DLG2: variants seen among roughly 807,000 people sequenced by gnomAD.
DLG2 encodes the protein disks large homolog 2.
In DLG2, 45 loss-of-function variants were observed where a neutral mutation model predicts 132.5. The ratio of observed to expected loss-of-function variants is 0.34; its 90% CI spans 0.27 to 0.44. The LOEUF (loss-of-function observed/expected upper bound fraction) is 0.44, where lower values mean the gene tolerates loss of function less well. Among genes scored for constraint, DLG2 ranks in the 20% least tolerant of loss-of-function variants. The probability of loss-of-function intolerance (pLI) is 1.00; values close to 1 mark genes in which losing one functional copy is unlikely to be tolerated. For missense variants in DLG2, 1,045 were observed against 1,196.9 expected, an observed-to-expected ratio of 0.87 and a Z score of 1.87; for synonymous variants, 424 against 419.6, an observed-to-expected ratio of 1.01 and a Z score of -0.13.
Position 83,688,996 on chromosome 11 carries a change from G to A in DLG2, c.1826-55671C>T, listed in dbSNP as rs188505900. Among the ~76,000 whole-genome samples the A allele has an allele frequency of 2.6e-5, 4 of 152,298 alleles. No individual in the cohort carries two copies. In the East Asian group the frequency reaches 7.7e-4, roughly 29 times the overall value. ...CAGGCACTACATTATTACGTTGAAT[G>A]CCAGAAGAACGATGTAATCAAGGTC... On this transcript the variant is annotated intron_variant, in intron 18 of 27. Coordinates refer to ENST00000376104, the MANE Select transcript of DLG2 (RefSeq NM_001142699.3).
At chr11:85,471,597 G>A (rs116972366) in intron 3 of DLG2, among the ~76,000 whole-genome samples, 526 of 152,240 alleles carry the variant, frequency 3.5e-3, no homozygotes, top group Non-Finnish European at 5.2e-3. Context: ...TTTGAAAGCT[G>A]TTAGGAAACA....
chr11:84,433,437 G>A (rs993214559), intron 7 of DLG2, among the ~76,000 whole-genome samples: 5 of 152,162 alleles, frequency 3.3e-5, no homozygotes, highest in Non-Finnish European at 7.4e-5. Context: ...AGGCATACAA[G>A]TAAGATACTA....
intron 6 of DLG2, among the ~76,000 whole-genome samples, chr11:84,547,958 C>G (rs2099393590): frequency 6.6e-6 from 1 of 152,136 alleles, no homozygotes; most frequent in South Asian, 2.1e-4. Context: ...TACAGTAGAG[C>G]TGGTTATTGA....
intron 3 of DLG2, among the ~76,000 whole-genome samples, chr11:85,538,519 T>C (rs1170332294): frequency 1.3e-5 from 2 of 151,924 alleles, no homozygotes; most frequent in Admixed American, 6.6e-5. Context: ...TAAATAATTA[T>C]ATTATAAAGA....
chr11:85,158,002 C>A (rs992941847), intron 4 of DLG2, among the ~76,000 whole-genome samples: 1 of 152,038 alleles, frequency 6.6e-6, no homozygotes, highest in Non-Finnish European at 1.5e-5. Flanking sequence ...AGTTGCCAGG[C>A]AAGATAATGT....
At chr11:84,718,743 G>C (rs546374977) in intron 6 of DLG2, among the ~76,000 whole-genome samples, 13 of 152,292 alleles carry the variant, frequency 8.5e-5, no homozygotes, top group African/African-American at 3.1e-4. Context: ...GTGAATAAAA[G>C]CATGAGGTAG....
intron 3 of DLG2, among the ~76,000 whole-genome samples, chr11:85,443,511 T>TGATA (rs2091881020): frequency 6.6e-6 from 1 of 152,188 alleles, no homozygotes; most frequent in East Asian, 1.9e-4. Context: ...AAACTTTACG[T>TGATA]TTGAAAGTCA....
intron 3 of DLG2, among the ~76,000 whole-genome samples, chr11:85,359,152 C>A (rs182647768): frequency 6.6e-6 from 1 of 152,274 alleles, no homozygotes; most frequent in African/African-American, 2.4e-5. Flanking sequence ...TGGCTTTTAA[C>A]CTCATGTCCC....
At chr11:85,026,488 T>C (rs1169401604) in intron 6 of DLG2, among the ~76,000 whole-genome samples, 1 of 152,012 alleles carries the variant, frequency 6.6e-6, no homozygotes, top group Non-Finnish European at 1.5e-5. Context: ...TGGGAATATA[T>C]ATTGTTAAAG....
chr11:84,271,790 G>A (rs1403842102), intron 7 of DLG2, among the ~76,000 whole-genome samples: 2 of 151,998 alleles, frequency 1.3e-5, no homozygotes, highest in African/African-American at 4.8e-5. Flanking sequence ...TATAATTAGA[G>A]AGACTGAGAG....
intron 7 of DLG2, among the ~76,000 whole-genome samples, chr11:84,287,979 G>A (rs1039823306): frequency 6.2e-5 from 1 of 16,154 alleles, no homozygotes; most frequent in African/African-American, 1.7e-4. Context: ...GTATGGAAAC[G>A]GGAGAGAGCA....
At chr11:84,697,617 T>C (rs1487587994) in intron 6 of DLG2, among the ~76,000 whole-genome samples, 1 of 151,510 alleles carries the variant, frequency 6.6e-6, no homozygotes, top group Non-Finnish European at 1.5e-5. Context: ...CCATGTATTA[T>C]CTCACTTAAT....
At chr11:84,612,635 A>G (rs945578921) in intron 6 of DLG2, among the ~76,000 whole-genome samples, 2 of 152,154 alleles carry the variant, frequency 1.3e-5, no homozygotes, top group Non-Finnish European at 2.9e-5. Context: ...GACTAAAGGT[A>G]ATGTTTTTTC....
intron 12 of DLG2, among the ~76,000 whole-genome samples, chr11:83,974,183 C>T (rs1443565762): frequency 1.3e-5 from 2 of 151,992 alleles, no homozygotes; most frequent in Non-Finnish European, 2.9e-5. Flanking sequence ...GCTTTAACAT[C>T]CCATTCATTA....
intron 4 of DLG2, among the ~76,000 whole-genome samples, chr11:85,230,216 C>T (rs2075222141): frequency 6.6e-6 from 1 of 151,866 alleles, no homozygotes; most frequent in Non-Finnish European, 1.5e-5. Context: ...TTTTTTTCTT[C>T]TTGCTAATCT....
chr11:85,579,820 G>T (rs928988696), intron 3 of DLG2, among the ~76,000 whole-genome samples: 1 of 152,100 alleles, frequency 6.6e-6, no homozygotes, highest in Non-Finnish European at 1.5e-5. Context: ...CCAAAGTGCT[G>T]GGATTACAGG....
chr11:84,091,990 C>T (rs914425579), intron 10 of DLG2, among the ~76,000 whole-genome samples: 2 of 152,204 alleles, frequency 1.3e-5, no homozygotes, highest in East Asian at 1.9e-4. Flanking sequence ...AAGTTTGCTT[C>T]ATCCATGCCA....
intron 18 of DLG2, among the ~76,000 whole-genome samples, chr11:83,755,319 GAT>G (rs2093601408): frequency 6.6e-6 from 1 of 150,856 alleles, no homozygotes; most frequent in Admixed American, 6.6e-5. Flanking sequence ...TCGAGTTTGC[GAT>G]ATGTTTATCA....
chr11:84,752,285 G>A (rs561114857), intron 6 of DLG2, among the ~76,000 whole-genome samples: 1 of 152,226 alleles, frequency 6.6e-6, no homozygotes. Context: ...TGGGAATATA[G>A]TGGTAAAAAA....
Sources: gnomAD v4.1 joint callset for allele counts (sites outside exome capture counted in the v4.1 genomes callset) on GRCh38, gnomAD v4.1.1 for gene constraint, MANE v1.5 for transcripts, NCBI Gene and HGNC (gene_info 2026-07-23, HGNC 2026-07-21) for gene names.